The following A4GALT variants were observed in gnomAD, a reference collection of about 807,000 sequenced individuals.
A4GALT encodes the protein lactosylceramide 4-alpha-galactosyltransferase.
For synonymous variants in A4GALT, 257 were observed against 220.7 expected, an observed-to-expected ratio of 1.16 and a Z score of -1.46; for missense variants, 512 against 486.0, an observed-to-expected ratio of 1.05 and a Z score of -0.50.
rs113466936 is a variant in A4GALT, at chr22:42,708,244, G to A, written c.-188+12553C>T. 1.4e-4 allele frequency among the ~76,000 whole-genome samples: 21 copies of A among 150,288 alleles called. 2 individuals carry two copies. Among genetic ancestry groups the A allele is most frequent in the Admixed American group, 4.6e-4 (7 of 15,098 alleles). ...CTCTACTAAAAATACAAAATTAGCC[G>A]GGTGTGGTGGCGCCTACCTGTAATC... On this transcript the variant is annotated intron_variant, in intron 1 of 2. Coordinates refer to ENST00000642412, the MANE Select transcript of A4GALT (RefSeq NM_017436.7).
Position 42,692,917 on chromosome 22 carries a change from C to T in A4GALT, c.1035G>A (p.Thr345=), listed in dbSNP as rs764634112. The T allele has an allele frequency of 8.7e-6, 14 of 1,606,168 alleles. No individual in the cohort carries two copies. The highest frequency in any genetic ancestry group is 6.7e-5 in the African/African-American group (5 of 74,922). Reference sequence around the variant, plus strand: ...ACAAGTACATTTTCATGGCCTCGTGCGTCGTGGGGCAGTAGCGGGCATGCA... The same window carrying T: ...ACAAGTACATTTTCATGGCCTCGTGTGTCGTGGGGCAGTAGCGGGCATGCA... ...AQLHARYCPT[T]HEAMKMYL is the part of the protein sequence containing the mutation. The change falls in exon 3 of 3, where the codon ACG becomes ACA. Residue 345 remains threonine, a synonymous_variant. Coordinates refer to ENST00000642412, the MANE Select transcript of A4GALT (RefSeq NM_017436.7). The surrounding 1 kb of genome is among the most constrained non-coding windows in gnomAD (Gnocchi z 4.6).
At chr22:42,706,968 TACTG>T (rs1407831053) in intron 1 of A4GALT, among the ~76,000 whole-genome samples, 6 of 152,132 alleles carry the variant, frequency 3.9e-5, no homozygotes, top group Non-Finnish European at 8.8e-5. Context: ...CATCAAATAA[TACTG>T]TAGCAATTTT....
In A4GALT at chr22:42,701,654, C is replaced by T. The variant is rs547210685; in HGVS notation, c.-187-6023G>A. The stretch of plus-strand genomic sequence containing the variant: ...GTGGGGAGCCACCCCTGCCTGTGGG[C>T]CCTGCTCCCTGGCTGTTGCCATAAG... On this transcript the variant is annotated intron_variant, in intron 1 of 2. Transcript: ENST00000642412. Among the ~76,000 whole-genome samples, 5 of 152,330 alleles carry T rather than the reference C, an allele frequency of 3.3e-5. No individual in the cohort carries two copies. In the East Asian group the frequency reaches 9.6e-4, roughly 29 times the overall value.
chr22:42,711,843 G>A (rs747190332), intron 1 of A4GALT, among the ~76,000 whole-genome samples: 1 of 151,878 alleles, frequency 6.6e-6, no homozygotes, highest in South Asian at 2.1e-4. Context: ...GGCTGGTCTC[G>A]AACTCCTGAC....
intron 1 of A4GALT, among the ~76,000 whole-genome samples, chr22:42,711,211 G>A (rs1410831194): frequency 6.6e-6 from 1 of 152,148 alleles, no homozygotes; most frequent in Admixed American, 6.5e-5. Flanking sequence ...GCTAGAGCAA[G>A]GATCTTTTTA....
At chr22:42,700,368 C>T (rs1336872663) in intron 1 of A4GALT, among the ~76,000 whole-genome samples, 2 of 152,188 alleles carry the variant, frequency 1.3e-5, no homozygotes, top group Non-Finnish European at 2.9e-5. Context: ...GGGGTCTCAA[C>T]AAGAGGGCCC....
At chr22:42,700,085 G>A (rs541057817) in intron 1 of A4GALT, among the ~76,000 whole-genome samples, 4 of 152,222 alleles carry the variant, frequency 2.6e-5, no homozygotes, top group African/African-American at 4.8e-5. Context: ...GGCTGCTCCC[G>A]AGGTAGGGGG....
At chr22:42,699,243 C>T (rs1401922616) in intron 1 of A4GALT, among the ~76,000 whole-genome samples, 2 of 151,994 alleles carry the variant, frequency 1.3e-5, no homozygotes, top group Non-Finnish European at 2.9e-5. Context: ...GCCACCATGC[C>T]CGGCTGATTT....
At position 42,693,705 on chromosome 22, in the gene A4GALT, C is replaced by G. The variant is rs775817348; in HGVS notation, c.247G>C (p.Glu83Gln). The change falls in exon 3 of 3, where the codon GAG (glutamate) becomes CAG (glutamine). Residue 83 changes from glutamate to glutamine, a missense_variant. Glu to Gln is a conservative substitution (Grantham distance 29). Coordinates refer to ENST00000642412, the MANE Select transcript of A4GALT (RefSeq NM_017436.7). ...GPTPGNIFFLETSDRTNPNFL... is the reference protein window; with the variant it reads ...GPTPGNIFFLQTSDRTNPNFL... The stretch of plus-strand genomic sequence containing the variant: ...TTGGGGTTGGTCCGGTCTGAAGTCT[C>G]CAGGAAGAAGATGTTGCCTGGAGTG... 1.2e-6 allele frequency: 2 copies of G among 1,608,966 alleles called. No homozygotes were observed. Among genetic ancestry groups the G allele is most frequent in the Non-Finnish European group, 1.7e-6 (2 of 1,178,676 alleles).
intron 1 of A4GALT, among the ~76,000 whole-genome samples, chr22:42,705,345 A>G (rs1057150538): frequency 6.6e-6 from 1 of 152,228 alleles, no homozygotes; most frequent in Non-Finnish European, 1.5e-5. Context: ...TCATGCCTGT[A>G]ATCTCAGCAC....
At chr22:42,709,708 T>C (rs1188633156) in intron 1 of A4GALT, among the ~76,000 whole-genome samples, 1 of 152,056 alleles carries the variant, frequency 6.6e-6, no homozygotes, top group Non-Finnish European at 1.5e-5. Flanking sequence ...GAGAATCGCT[T>C]GAGCTTGCGA....
At chr22:42,705,690 A>C (rs1047338566) in intron 1 of A4GALT, among the ~76,000 whole-genome samples, 1 of 126,130 alleles carries the variant, frequency 7.9e-6, no homozygotes, top group Non-Finnish European at 1.9e-5. Context: ...GCATGAATTT[A>C]AAAATAAAAA....
intron 1 of A4GALT, among the ~76,000 whole-genome samples, chr22:42,704,516 TA>T (rs869299344): frequency 3.4e-5 from 5 of 145,866 alleles, no homozygotes; most frequent in Non-Finnish European, 4.6e-5. Flanking sequence ...TAAAAAAAAT[TA>T]AAAAAAAAAG....
chr22:42,707,583 G>A (rs1188145929), intron 1 of A4GALT, among the ~76,000 whole-genome samples: 1 of 152,122 alleles, frequency 6.6e-6, no homozygotes, highest in African/African-American at 2.4e-5. Context: ...GCTTGAATGG[G>A]AGGCAGAGGT....
chr22:42,704,302 G>GCA (rs1920955212), intron 1 of A4GALT, among the ~76,000 whole-genome samples: 7 of 151,990 alleles, frequency 4.6e-5, no homozygotes, highest in African/African-American at 1.7e-4. Context: ...CCAATATGGT[G>GCA]AAACCCCATC....
intron 1 of A4GALT, among the ~76,000 whole-genome samples, chr22:42,716,741 G>A (rs1348665583): frequency 5.3e-5 from 8 of 152,186 alleles, no homozygotes; most frequent in African/African-American, 1.9e-4. Context: ...GAATAACAGA[G>A]CATGGTGGCT....
intron 1 of A4GALT, among the ~76,000 whole-genome samples, chr22:42,714,272 C>T (rs932320118): frequency 1.1e-4 from 3 of 28,048 alleles, no homozygotes; most frequent in Admixed American, 5.5e-4. Flanking sequence ...AAGACTCTGT[C>T]TCAAAAAAAA....
intron 1 of A4GALT, among the ~76,000 whole-genome samples, chr22:42,708,193 G>T (rs1440044942): frequency 6.6e-6 from 1 of 151,706 alleles, no homozygotes; most frequent in Non-Finnish European, 1.5e-5. Flanking sequence ...TTCAAGACCA[G>T]CCTGACTAAC....
intron 2 of A4GALT, among the ~76,000 whole-genome samples, chr22:42,694,276 G>C (rs529693226): frequency 6.6e-6 from 1 of 152,264 alleles, no homozygotes; most frequent in Non-Finnish European, 1.5e-5. Flanking sequence ...CCCATGGTGT[G>C]TAACCATCAC....
Sources: gnomAD v4.1 joint callset for allele counts (sites outside exome capture counted in the v4.1 genomes callset) on GRCh38, gnomAD v4.1.1 for gene constraint, Gnocchi (gnomAD v3.1) non-coding constraint, MANE v1.5 for transcripts, NCBI Gene and HGNC (gene_info 2026-07-23, HGNC 2026-07-21) for gene names.